The following ATRNL1 variants were observed in gnomAD, a reference collection of about 807,000 sequenced individuals.
The protein encoded by ATRNL1 is attractin like 1, also known as attractin-like protein 1.
Under a neutral mutation model 182.7 loss-of-function variants are expected in ATRNL1, and 95 were observed. The ratio of observed to expected loss-of-function variants is 0.52; its 90% CI spans 0.44 to 0.62. ATRNL1 has a LOEUF of 0.62. ATRNL1 is among the 20% of genes least tolerant of loss of function. The pLI, the probability that ATRNL1 is intolerant of heterozygous loss-of-function variation, is 0.00. For synonymous variants in ATRNL1, 576 were observed against 568.3 expected (o/e 1.01, Z -0.19); for missense variants, 1,471 against 1,679.5 (o/e 0.88, Z 2.17).
At chr10:115,761,061 T>TC (rs1269553613) in intron 27 of ATRNL1, among the ~76,000 whole-genome samples, 3 of 152,174 alleles carry the variant, frequency 2.0e-5, no homozygotes, top group African/African-American at 7.2e-5. Flanking sequence ...GAAGTAAGAC[T>TC]CTGACCTATT....
intron 19 of ATRNL1, among the ~76,000 whole-genome samples, chr10:115,377,695 G>A (rs537873103): frequency 7.6e-4 from 116 of 152,242 alleles, no homozygotes; most frequent in African/African-American, 2.7e-3. Context: ...TTGACAGTCT[G>A]TATATGTCTT....
chr10:115,212,481 C>G (rs1054517619), intron 8 of ATRNL1, among the ~76,000 whole-genome samples: 3 of 151,968 alleles, frequency 2.0e-5, no homozygotes, highest in Non-Finnish European at 2.9e-5. Flanking sequence ...TTCAACTCAG[C>G]AATCCCATTA....
chr10:115,670,707 T>C (rs1565269624), intron 26 of ATRNL1, among the ~76,000 whole-genome samples: 1 of 152,136 alleles, frequency 6.6e-6, no homozygotes, highest in Non-Finnish European at 1.5e-5. Context: ...ACTAAGACCT[T>C]GTTTTGACTA....
At chr10:115,256,788 C>T (rs145282187) in intron 10 of ATRNL1, among the ~76,000 whole-genome samples, 5,356 of 152,192 alleles carry the variant, frequency 0.035, 143 homozygotes, top group Non-Finnish European at 0.053. Context: ...CTATAAATTT[C>T]CCTCTACACA....
intron 3 of ATRNL1, among the ~76,000 whole-genome samples, chr10:115,126,184 A>C (rs1176459956): frequency 2.0e-5 from 3 of 152,124 alleles, no homozygotes; most frequent in African/African-American, 7.2e-5. Flanking sequence ...CAGCCTCCCG[A>C]GTAGCTGAGA....
At chr10:115,591,093 G>A (rs1183301156) in intron 26 of ATRNL1, among the ~76,000 whole-genome samples, 2 of 152,142 alleles carry the variant, frequency 1.3e-5, no homozygotes, top group Non-Finnish European at 2.9e-5. Flanking sequence ...TACAAGATAT[G>A]CATGTATACG....
intron 1 of ATRNL1, among the ~76,000 whole-genome samples, chr10:115,094,321 C>A (rs961067126): frequency 2.0e-5 from 3 of 152,182 alleles, no homozygotes; most frequent in Non-Finnish European, 4.4e-5. Flanking sequence ...GACTTCTGAT[C>A]CGCTGCTCAG....
chr10:115,160,598 A>G (rs2144003392), intron 6 of ATRNL1, among the ~76,000 whole-genome samples: 1 of 151,918 alleles, frequency 6.6e-6, no homozygotes, highest in African/African-American at 2.4e-5. Context: ...ATTTTAGTGT[A>G]CCTGAACTTT....
At chr10:115,550,612 A>T (rs1276285358) in intron 26 of ATRNL1, among the ~76,000 whole-genome samples, 1 of 151,856 alleles carries the variant, frequency 6.6e-6, no homozygotes, top group Admixed American at 6.6e-5. Context: ...GTGCAGCATC[A>T]GTGAGGGTTT....
At chr10:115,907,285 A>G (rs1952532941) in intron 28 of ATRNL1, among the ~76,000 whole-genome samples, 1 of 152,260 alleles carries the variant, frequency 6.6e-6, no homozygotes, top group African/African-American at 2.4e-5. Flanking sequence ...GTAATAATTT[A>G]GCTCCAGAAT....
At chr10:115,198,144 T>C (rs1482245713) in intron 8 of ATRNL1, among the ~76,000 whole-genome samples, 1 of 152,178 alleles carries the variant, frequency 6.6e-6, no homozygotes, top group African/African-American at 2.4e-5. Flanking sequence ...GTACAAGGAT[T>C]CCCTTTTCTC....
chr10:115,093,820 C>CCGGCGGGCGGCGG lies in ATRNL1; in HGVS notation c.78_90dup (p.Gly31ArgfsTer86). The CCGGCGGGCGGCGG allele has an allele frequency of 6.7e-7, 1 of 1,498,406 alleles. No individual in the cohort carries two copies. The highest frequency in any genetic ancestry group is 8.9e-7 in the Non-Finnish European group (1 of 1,125,690). The allele number at this position is 1,498,406 out of a possible 1,614,324, so 92.8% of individuals were successfully genotyped here. On this transcript the variant is annotated frameshift_variant, in exon 1 of 29. Coordinates refer to ENST00000355044, the MANE Select transcript of ATRNL1 (RefSeq NM_207303.4). LOFTEE classifies it high-confidence loss of function. This position sits in a 1 kb window ranked among gnomAD's most constrained non-coding sequence, Gnocchi z 6.1. ...GGCCCCGGGGGTGTGGAGGGCTCGG[C>CCGGCGGGCGGCGG]CGGCGGGCGGCGGCGGCGGGGGCGC...
At chr10:115,440,120 C>T (rs965833992) in intron 21 of ATRNL1, among the ~76,000 whole-genome samples, 3 of 151,232 alleles carry the variant, frequency 2.0e-5, no homozygotes, top group Non-Finnish European at 4.4e-5. Context: ...TCATTAAGAT[C>T]CCCCTCAATT....
intron 24 of ATRNL1, among the ~76,000 whole-genome samples, chr10:115,477,088 A>C (rs984850511): frequency 6.6e-6 from 1 of 151,566 alleles, no homozygotes; most frequent in East Asian, 1.9e-4. Flanking sequence ...AAGTTTTAAC[A>C]TGCAATATAG....
intron 26 of ATRNL1, among the ~76,000 whole-genome samples, chr10:115,692,570 A>G (rs374361687): frequency 1.3e-5 from 2 of 152,014 alleles, no homozygotes; most frequent in Non-Finnish European, 2.9e-5. Flanking sequence ...CCCTTAATAT[A>G]TCTTTGTAAT....
chr10:115,532,490 T>G (rs555211482), intron 25 of ATRNL1, among the ~76,000 whole-genome samples: 1 of 152,316 alleles, frequency 6.6e-6, no homozygotes, highest in Admixed American at 6.5e-5. Flanking sequence ...CCTGAGACTT[T>G]GCTGAAGTTG....
At chr10:115,196,504 T>C (rs942127696) in intron 8 of ATRNL1, among the ~76,000 whole-genome samples, 8 of 152,102 alleles carry the variant, frequency 5.3e-5, no homozygotes, top group African/African-American at 1.9e-4. Context: ...TTGCATTGGA[T>C]CTAGAGAGGG....
intron 24 of ATRNL1, among the ~76,000 whole-genome samples, chr10:115,473,608 T>G (rs554823512): frequency 6.6e-6 from 1 of 151,416 alleles, no homozygotes; most frequent in Non-Finnish European, 1.5e-5. Flanking sequence ...TCGGAAGTGT[T>G]CACTCTACTT....
At chr10:115,687,851 A>G (rs1946267592) in intron 26 of ATRNL1, among the ~76,000 whole-genome samples, 1 of 152,006 alleles carries the variant, frequency 6.6e-6, no homozygotes, top group Non-Finnish European at 1.5e-5. Context: ...TCAAATATAC[A>G]TTATATTATT....
Sources: allele counts gnomAD v4.1 joint callset (sites outside exome capture counted in the v4.1 genomes callset), GRCh38; gene constraint gnomAD v4.1.1; non-coding constraint Gnocchi (gnomAD v3.1); transcripts MANE v1.5; gene names NCBI Gene and HGNC (gene_info 2026-07-23, HGNC 2026-07-21).